Variants in CC2D2A observed in about 807,000 individuals in gnomAD.
CC2D2A encodes the protein coiled-coil and C2 domain-containing protein 2A.
A neutral mutation model predicts 212.9 loss-of-function variants in CC2D2A; 155 were observed. The observed-to-expected ratio is 0.73, with a 90% CI of 0.64 to 0.83. The LOEUF is 0.83. CC2D2A is among the 40% of genes least tolerant of loss of function. The pLI is 0.00. For synonymous variants in CC2D2A, 667 were observed against 686.5 expected, an observed-to-expected ratio of 0.97 and a Z score of 0.44; for missense variants, 1,856 against 1,956.2, an observed-to-expected ratio of 0.95 and a Z score of 0.97.
chr4:15,601,421 G>C lies in CC2D2A; in HGVS notation c.4859G>C (p.Arg1620Thr). ...WIYVASLIRN[R>T] ...TATGTTGCCTCTCTTATACGCAACA[G>C]GTAATTTTTTTCACTGTACTTTCTG... The change falls in exon 37 of 37, where the codon AGG becomes ACG. Residue 1620 changes from arginine (R) to threonine (T), a missense_variant. Physicochemically the swap from Arg to Thr is moderately conservative, Grantham distance 71. This residue lies in a region of CC2D2A where 285 missense variants were observed against 278.4 expected (regional missense o/e 1.02). Coordinates refer to ENST00000424120, the MANE Select transcript of CC2D2A (RefSeq NM_001378615.1). 2.1e-6 allele frequency: 3 copies of C among 1,458,544 alleles called. No individual in the cohort carries two copies. Among genetic ancestry groups the C allele is most frequent in the Non-Finnish European group, 2.7e-6 (3 of 1,099,422 alleles). 90.4% of individuals were successfully genotyped at this position (1,458,544 alleles called of 1,614,324 possible).
intron 23 of CC2D2A, 57 bp downstream of exon 23, chr4:15,560,679 T>C (rs1719542338): frequency 2.7e-6 from 2 of 743,908 alleles, no homozygotes; most frequent in African/African-American, 1.8e-5. Flanking sequence ...ATTTATACTC[T>C]ATTATATGAA....
chr4:15,597,519 A>G, intron 35 of CC2D2A, 54 bp downstream of exon 35: 1 of 1,340,432 alleles, frequency 7.5e-7, no homozygotes, highest in Non-Finnish European at 1.0e-6. Flanking sequence ...GTATAATACC[A>G]AACTTTAAAC....
chr4:15,508,398 C>T (rs1184633294), intron 6 of CC2D2A, among the ~76,000 whole-genome samples: 1 of 151,962 alleles, frequency 6.6e-6, no homozygotes, highest in Admixed American at 6.6e-5. Flanking sequence ...AATGTTTAGT[C>T]GTATCATATG....
chr4:15,532,693 G>T (rs983545165), intron 13 of CC2D2A, among the ~76,000 whole-genome samples: 4 of 152,222 alleles, frequency 2.6e-5, no homozygotes, highest in African/African-American at 7.2e-5. Flanking sequence ...GAAACCATTT[G>T]CAAATGATGC....
At chr4:15,478,240 T>G (rs900271782) in intron 2 of CC2D2A, among the ~76,000 whole-genome samples, 1 of 152,264 alleles carries the variant, frequency 6.6e-6, no homozygotes, top group Admixed American at 6.5e-5. Flanking sequence ...GCATTTGTGA[T>G]GATGTAACAT....
intron 8 of CC2D2A, 160 bp downstream of exon 8, chr4:15,511,583 T>G: frequency 3.5e-6 from 2 of 576,796 alleles, no homozygotes; most frequent in Non-Finnish European, 5.7e-6. Flanking sequence ...TTCACATGGC[T>G]CCCTGTAGCT....
intron 35 of CC2D2A, among the ~76,000 whole-genome samples, chr4:15,598,151 T>C (rs569987399): frequency 3.9e-5 from 6 of 152,360 alleles, no homozygotes. Flanking sequence ...ACAACCTTTT[T>C]GTTTTTTTCT....
intron 30 of CC2D2A, among the ~76,000 whole-genome samples, chr4:15,585,032 T>C (rs1309095165): frequency 2.0e-5 from 3 of 152,292 alleles, no homozygotes; most frequent in South Asian, 2.1e-4. Context: ...GGAACTCTTA[T>C]ACACAGTTGG....
chr4:15,520,021 T>G (rs771788896), intron 11 of CC2D2A, among the ~76,000 whole-genome samples: 1 of 152,180 alleles, frequency 6.6e-6, no homozygotes, highest in South Asian at 2.1e-4. Context: ...AGAGGAATGA[T>G]GAATAGAGAA....
chr4:15,577,059 TCA>T (rs1164093441), intron 29 of CC2D2A, among the ~76,000 whole-genome samples: 1 of 152,224 alleles, frequency 6.6e-6, no homozygotes, highest in African/African-American at 2.4e-5. Flanking sequence ...AGTGGTGCCA[TCA>T]CAGCTTGCTG....
chr4:15,546,975 AAG>A (rs1400110063), intron 17 of CC2D2A, among the ~76,000 whole-genome samples: 4 of 152,198 alleles, frequency 2.6e-5, no homozygotes, highest in African/African-American at 9.7e-5. Flanking sequence ...TGTTATCCCG[AAG>A]AAAGCCATGG....
intron 17 of CC2D2A, among the ~76,000 whole-genome samples, chr4:15,547,857 T>C (rs1278186916): frequency 6.6e-6 from 1 of 151,928 alleles, no homozygotes; most frequent in Non-Finnish European, 1.5e-5. Context: ...CTGGCCAACA[T>C]GCAGAAACCC....
At chr4:15,555,337 TC>T in intron 20 of CC2D2A, 127 bp downstream of exon 20, 1 of 1,200,922 alleles carries the variant, frequency 8.3e-7, no homozygotes, top group Non-Finnish European at 1.2e-6. Context: ...AAGTTTGAAT[TC>T]CAGCTGTGCT....
intron 35 of CC2D2A, 68 bp from the exon 36 acceptor site, chr4:15,599,461 T>C: frequency 9.7e-7 from 1 of 1,029,030 alleles, no homozygotes; most frequent in South Asian, 1.8e-5. Flanking sequence ...CCCCACTACA[T>C]ACTACATACA....
At chr4:15,554,510 TA>T (rs545273444) in intron 19 of CC2D2A, among the ~76,000 whole-genome samples, 2 of 151,848 alleles carry the variant, frequency 1.3e-5, no homozygotes, top group African/African-American at 4.8e-5. Context: ...CCATCTCTAC[TA>T]AAAAAAATAA....
At chr4:15,472,735 C>T (rs908773048) in intron 1 of CC2D2A, among the ~76,000 whole-genome samples, 1 of 151,814 alleles carries the variant, frequency 6.6e-6, no homozygotes. Flanking sequence ...TTATCTGCCC[C>T]CTCATTCACT....
At chr4:15,478,033 G>T (rs1295515794) in intron 2 of CC2D2A, among the ~76,000 whole-genome samples, 3 of 152,100 alleles carry the variant, frequency 2.0e-5, no homozygotes, top group Non-Finnish European at 4.4e-5. Context: ...TGTTCACCCA[G>T]GGGCACTTGT....
chr4:15,482,379 C>T (rs1714733005), intron 4 of CC2D2A: 2 of 781,070 alleles, frequency 2.6e-6, no homozygotes, highest in South Asian at 5.8e-5. Flanking sequence ...GGCTTAAACA[C>T]CCAACATTTA....
intron 23 of CC2D2A, among the ~76,000 whole-genome samples, chr4:15,561,867 A>G (rs953625442): frequency 2.0e-5 from 3 of 152,174 alleles, no homozygotes; most frequent in African/African-American, 7.2e-5. Context: ...CATGAGCTAT[A>G]TAGTCACAGT....
Sources: gnomAD v4.1 joint callset for allele counts (sites outside exome capture counted in the v4.1 genomes callset) on GRCh38, gnomAD v4.1.1 for gene constraint, gnomAD v4.1.1 regional missense constraint, MANE v1.5 for transcripts, NCBI Gene and HGNC (gene_info 2026-07-23, HGNC 2026-07-21) for gene names.